Variants in MCC observed in about 807,000 individuals in gnomAD.
MCC encodes colorectal mutant cancer protein.
In MCC, 90 loss-of-function variants were observed where a neutral mutation model predicts 116.2. The observed-to-expected ratio is 0.77, with a 90% CI of 0.65 to 0.92. MCC has a LOEUF of 0.92. Among genes scored for constraint, MCC ranks in the 40% least tolerant of loss-of-function variants. The pLI is 0.00. For missense variants in MCC, 1,516 were observed against 1,312.2 expected (o/e 1.16, Z -2.40); for synonymous variants, 578 against 510.5 (o/e 1.13, Z -1.78).
intron 1 of MCC, among the ~76,000 whole-genome samples, chr5:113,409,494 C>T (rs777776779): frequency 3.9e-5 from 6 of 151,952 alleles, no homozygotes; most frequent in Admixed American, 6.6e-5. Context: ...TGGAACCACA[C>T]GTGTGCACCA....
At chr5:113,454,079 C>A (rs1771475315) in intron 1 of MCC, among the ~76,000 whole-genome samples, 1 of 152,012 alleles carries the variant, frequency 6.6e-6, no homozygotes, top group South Asian at 2.1e-4. Context: ...CTATTGCACT[C>A]CAGCCTGGGC....
At chr5:113,070,700 C>A (rs1327858921) in intron 12 of MCC, among the ~76,000 whole-genome samples, 6 of 151,970 alleles carry the variant, frequency 3.9e-5, no homozygotes, top group South Asian at 2.1e-4. Flanking sequence ...GGGGTTACAG[C>A]CATTCAGAAT....
intron 3 of MCC, among the ~76,000 whole-genome samples, chr5:113,292,306 A>G (rs1766529339): frequency 6.6e-6 from 1 of 152,168 alleles, no homozygotes; most frequent in Non-Finnish European, 1.5e-5. Context: ...CTGCAGGATA[A>G]CTAACATTGA....
At chr5:113,187,884 T>C (rs1216294281) in intron 3 of MCC, among the ~76,000 whole-genome samples, 1 of 152,032 alleles carries the variant, frequency 6.6e-6, no homozygotes, top group Non-Finnish European at 1.5e-5. Flanking sequence ...AGAACCCACG[T>C]TACAAACAAG....
At chr5:113,203,828 C>A (rs1762796162) in intron 3 of MCC, among the ~76,000 whole-genome samples, 1 of 152,124 alleles carries the variant, frequency 6.6e-6, no homozygotes, top group Non-Finnish European at 1.5e-5. Context: ...ATAGATCCAG[C>A]GCAAGGCAAC....
intron 1 of MCC, among the ~76,000 whole-genome samples, chr5:113,464,082 T>A (rs1771831254): frequency 6.8e-6 from 1 of 147,794 alleles, no homozygotes; most frequent in Admixed American, 6.9e-5. Context: ...TTTTATTTAC[T>A]GACAAGGTCA....
intron 3 of MCC, among the ~76,000 whole-genome samples, chr5:113,196,572 C>T (rs115607156): frequency 0.016 from 2,411 of 152,224 alleles, 35 homozygotes; most frequent in Non-Finnish European, 0.023. Context: ...AATACTCGGT[C>T]GGGCGCAGTG....
intron 3 of MCC, among the ~76,000 whole-genome samples, chr5:113,251,574 A>T (rs1164216306): frequency 6.6e-6 from 1 of 152,204 alleles, no homozygotes; most frequent in Non-Finnish European, 1.5e-5. Context: ...GGCCTCGTGG[A>T]GAAGGTACAA....
intron 3 of MCC, among the ~76,000 whole-genome samples, chr5:113,235,387 A>G (rs1006393786): frequency 3.9e-5 from 6 of 152,232 alleles, no homozygotes; most frequent in African/African-American, 1.4e-4. Context: ...GAATCTCCAA[A>G]TAATTTTTAT....
intron 1 of MCC, among the ~76,000 whole-genome samples, chr5:113,399,313 G>A (rs1267272866): frequency 1.3e-5 from 2 of 152,074 alleles, no homozygotes; most frequent in African/African-American, 4.8e-5. Context: ...GTGAAACCCT[G>A]TCTCTACTAA....
chr5:113,147,791 G>A (rs1426987826), intron 4 of MCC, among the ~76,000 whole-genome samples: 2 of 152,118 alleles, frequency 1.3e-5, no homozygotes, highest in Admixed American at 6.5e-5. Context: ...AAGCATAAAC[G>A]AATAGGAGAG....
intron 3 of MCC, among the ~76,000 whole-genome samples, chr5:113,233,821 A>C (rs1764028173): frequency 6.6e-6 from 1 of 152,202 alleles, no homozygotes; most frequent in African/African-American, 2.4e-5. Context: ...ACAACTATGA[A>C]ATTTTGTCAG....
At chr5:113,124,770 A>G (rs144337610) in intron 5 of MCC, among the ~76,000 whole-genome samples, 1 of 152,358 alleles carries the variant, frequency 6.6e-6, no homozygotes, top group East Asian at 1.9e-4. Flanking sequence ...AATGCAAACT[A>G]AAAATTCCCA....
intron 1 of MCC, among the ~76,000 whole-genome samples, chr5:113,487,446 T>A (rs1350148603): frequency 6.6e-6 from 1 of 152,202 alleles, no homozygotes; most frequent in Non-Finnish European, 1.5e-5. Context: ...TGACACAAAT[T>A]TGGGCAGAAG....
At chr5:113,408,582 C>T (rs1280804606) in intron 1 of MCC, among the ~76,000 whole-genome samples, 1 of 152,108 alleles carries the variant, frequency 6.6e-6, no homozygotes, top group Non-Finnish European at 1.5e-5. Flanking sequence ...GTCGTGAGAC[C>T]AGCAGCATCA....
At chr5:113,124,138 G>T (rs1354572465) in intron 5 of MCC, among the ~76,000 whole-genome samples, 1 of 152,216 alleles carries the variant, frequency 6.6e-6, no homozygotes, top group East Asian at 1.9e-4. Context: ...GCTTTATGTA[G>T]ATATAAAGCC....
At chr5:113,091,910 A>AACAC (rs140237354) in intron 8 of MCC, among the ~76,000 whole-genome samples, 11 of 147,108 alleles carry the variant, frequency 7.5e-5, no homozygotes, top group East Asian at 2.0e-4. Context: ...ACACCACACA[A>AACAC]ACACACACAC....
chr5:113,257,996 G>A (rs1369736627), intron 3 of MCC, among the ~76,000 whole-genome samples: 1 of 152,160 alleles, frequency 6.6e-6, no homozygotes, highest in African/African-American at 2.4e-5. Flanking sequence ...TCTCCATAAA[G>A]CAGGAGGCCA....
chr5:113,411,111 G>C (rs1032924522), intron 1 of MCC, among the ~76,000 whole-genome samples: 1 of 151,968 alleles, frequency 6.6e-6, no homozygotes, highest in African/African-American at 2.4e-5. Context: ...TCATCCTTTC[G>C]GTATATAACC....
Sources: allele counts gnomAD v4.1 joint callset (sites outside exome capture counted in the v4.1 genomes callset), GRCh38; gene constraint gnomAD v4.1.1; transcripts MANE v1.5; gene names NCBI Gene and HGNC (gene_info 2026-07-23, HGNC 2026-07-21).